The following RAP1GDS1 variants were observed in gnomAD, a reference collection of about 807,000 sequenced individuals.
The protein encoded by RAP1GDS1 is Rap1 GTPase-GDP dissociation stimulator 1.
Under a neutral mutation model 71.1 loss-of-function variants are expected in RAP1GDS1, and 35 were observed. The observed-to-expected ratio is 0.49, with a 90% CI of 0.38 to 0.65. The LOEUF (loss-of-function observed/expected upper bound fraction) is 0.65, where lower values mean the gene tolerates loss of function less well. RAP1GDS1 is among the 30% of genes least tolerant of loss of function. RAP1GDS1 has a pLI of 0.00. For synonymous variants in RAP1GDS1, 229 were observed against 243.1 expected, an observed-to-expected ratio of 0.94 and a Z score of 0.54; for missense variants, 663 against 706.1, an observed-to-expected ratio of 0.94 and a Z score of 0.69.
chr4:98,432,531 A>G (rs1405758236), intron 12 of RAP1GDS1, among the ~76,000 whole-genome samples: 2 of 152,224 alleles, frequency 1.3e-5, no homozygotes, highest in African/African-American at 4.8e-5. Flanking sequence ...CAGCTACCAT[A>G]AAAACTTAGT....
chr4:98,347,970 T>A (rs1030706563), intron 3 of RAP1GDS1, among the ~76,000 whole-genome samples: 5 of 152,136 alleles, frequency 3.3e-5, no homozygotes, highest in Non-Finnish European at 7.4e-5. Flanking sequence ...CATATTCTTT[T>A]TTATTATTAT....
chr4:98,330,002 A>G (rs550020584), intron 2 of RAP1GDS1, among the ~76,000 whole-genome samples: 1 of 152,154 alleles, frequency 6.6e-6, no homozygotes, highest in Non-Finnish European at 1.5e-5. Context: ...TCATAGGACA[A>G]TAGTGGAGAG....
chr4:98,329,549 G>A (rs1733629220), intron 2 of RAP1GDS1, among the ~76,000 whole-genome samples: 1 of 151,944 alleles, frequency 6.6e-6, no homozygotes, highest in East Asian at 1.9e-4. Flanking sequence ...CAACACTTTG[G>A]GAGGCCAAGG....
rs1437141878 is a variant in RAP1GDS1, at chr4:98,417,363, C to G, written c.908-4C>G. On this transcript the variant is annotated splice_region_variant and splice_polypyrimidine_tract_variant and intron_variant, in intron 8 of 14. Coordinates refer to ENST00000408927, the MANE Select transcript of RAP1GDS1 (RefSeq NM_001100427.2). ...GCTTAACTATTCGTTTCATTTACCT[C>G]CAGATGAATCCATGCAGAAGTTATT... is the stretch of plus-strand genomic sequence containing the variant. 2 of 1,608,628 alleles carry G rather than the reference C, an allele frequency of 1.2e-6. No homozygotes were observed. Among genetic ancestry groups the G allele is most frequent in the East Asian group, 2.2e-5 (1 of 44,782 alleles).
chr4:98,442,740 G>T lies in RAP1GDS1; in HGVS notation c.*623G>T. ...CTTGGCAAGACTTTCTGAGGTTTCT[G>T]ATTCCATATTTAATTGACTATTATC... On this transcript the variant is annotated 3_prime_UTR_variant, in exon 15 of 15. Transcript: ENST00000408927. 4.4e-6 allele frequency: 1 copy of T among 228,230 alleles called. No individual in the cohort carries two copies. Among genetic ancestry groups the T allele is most frequent in the East Asian group, 6.3e-5 (1 of 15,810 alleles). 14.1% of individuals were successfully genotyped at this position (228,230 alleles called of 1,614,324 possible).
intron 2 of RAP1GDS1, among the ~76,000 whole-genome samples, chr4:98,330,634 CAG>C (rs1401116641): frequency 6.7e-6 from 1 of 148,708 alleles, no homozygotes; most frequent in Non-Finnish European, 1.5e-5. Context: ...GGCGGCCGGG[CAG>C]AGACGCTCCT....
At chr4:98,302,199 A>G (rs1728669782) in intron 2 of RAP1GDS1, among the ~76,000 whole-genome samples, 1 of 152,230 alleles carries the variant, frequency 6.6e-6, no homozygotes, top group Admixed American at 6.5e-5. Context: ...CATGACCTAT[A>G]TTAAATATTC....
intron 4 of RAP1GDS1, among the ~76,000 whole-genome samples, chr4:98,357,870 G>A (rs1209553467): frequency 6.6e-6 from 1 of 151,824 alleles, no homozygotes; most frequent in Non-Finnish European, 1.5e-5. Flanking sequence ...TTTCCTCCTT[G>A]GTAAAGTAAG....
At chr4:98,304,980 A>T (rs1446799773) in intron 2 of RAP1GDS1, among the ~76,000 whole-genome samples, 4 of 151,734 alleles carry the variant, frequency 2.6e-5, no homozygotes. Context: ...ATGGTTCTAG[A>T]TGTGTGGTCT....
At chr4:98,409,302 A>G (rs903633525) in intron 7 of RAP1GDS1, 5 of 152,434 alleles carry the variant, frequency 3.3e-5, no homozygotes, top group Non-Finnish European at 7.3e-5. Flanking sequence ...AATGAACACA[A>G]AGGGAAAGAG....
intron 2 of RAP1GDS1, among the ~76,000 whole-genome samples, chr4:98,321,247 G>A (rs1042759019): frequency 1.4e-5 from 2 of 146,380 alleles, no homozygotes; most frequent in East Asian, 2.1e-4. Flanking sequence ...AATGAGCAAA[G>A]CCTCCAAGAA....
At chr4:98,388,707 C>T (rs1743146285) in intron 5 of RAP1GDS1, among the ~76,000 whole-genome samples, 1 of 152,158 alleles carries the variant, frequency 6.6e-6, no homozygotes, top group Non-Finnish European at 1.5e-5. Flanking sequence ...GCCTGAGCAA[C>T]AGAGTGAGAC....
intron 7 of RAP1GDS1, among the ~76,000 whole-genome samples, chr4:98,413,167 C>G (rs1397661142): frequency 6.6e-6 from 1 of 151,890 alleles, no homozygotes; most frequent in Non-Finnish European, 1.5e-5. Context: ...ACTCCCAGAG[C>G]GGCCATTTAT....
chr4:98,323,811 A>G (rs1345518420), intron 2 of RAP1GDS1, among the ~76,000 whole-genome samples: 7 of 151,130 alleles, frequency 4.6e-5, no homozygotes, highest in Admixed American at 6.6e-5. Flanking sequence ...CCCACAGCCA[A>G]TATCATACTG....
chr4:98,438,332 C>G (rs953589754), intron 14 of RAP1GDS1, among the ~76,000 whole-genome samples: 3 of 151,628 alleles, frequency 2.0e-5, no homozygotes, highest in Non-Finnish European at 2.9e-5. Context: ...TCTTTTCTCA[C>G]TCTTTTAGTT....
intron 6 of RAP1GDS1, chr4:98,392,337 AAC>A (rs1743831083): frequency 7.1e-6 from 2 of 281,258 alleles, no homozygotes; most frequent in Non-Finnish European, 1.3e-5. Context: ...TACATTATGT[AAC>A]AGAGTTGAAT....
chr4:98,305,927 A>G (rs1386605794), intron 2 of RAP1GDS1, among the ~76,000 whole-genome samples: 1 of 152,218 alleles, frequency 6.6e-6, no homozygotes, highest in East Asian at 1.9e-4. Context: ...CTGTATGCCA[A>G]ATACATACTG....
intron 10 of RAP1GDS1, among the ~76,000 whole-genome samples, chr4:98,419,469 A>C (rs1748492990): frequency 1.3e-5 from 2 of 152,160 alleles, no homozygotes; most frequent in African/African-American, 4.8e-5. Flanking sequence ...AAATAGCCTT[A>C]ATGTGCCTTT....
chr4:98,326,005 A>G (rs972396614), intron 2 of RAP1GDS1, among the ~76,000 whole-genome samples: 4 of 151,822 alleles, frequency 2.6e-5, no homozygotes, highest in African/African-American at 9.7e-5. Context: ...CTTTATTAGT[A>G]CTCCTGATGT....
Sources: allele counts gnomAD v4.1 joint callset (sites outside exome capture counted in the v4.1 genomes callset), GRCh38; gene constraint gnomAD v4.1.1; transcripts MANE v1.5; gene names NCBI Gene and HGNC (gene_info 2026-07-23, HGNC 2026-07-21).